DDA1: variants seen among roughly 807,000 people sequenced by gnomAD.
The protein encoded by DDA1 is DET1- and DDB1-associated protein 1.
A neutral mutation model predicts 18.6 loss-of-function variants in DDA1; 3 were observed. The ratio of observed to expected loss-of-function variants is 0.16; its 90% CI spans 0.07 to 0.42. The LOEUF is 0.42. DDA1 is among the 10% of genes least tolerant of loss of function. DDA1 has a pLI of 0.99. For synonymous variants in DDA1, 52 were observed against 54.0 expected (o/e 0.96, Z 0.17); for missense variants, 105 against 138.2 (o/e 0.76, Z 1.20).
At chr19:17,315,801 A>G in intron 3 of DDA1, 133 bp from the exon 4 acceptor site, 1 of 869,248 alleles carries the variant, frequency 1.2e-6, no homozygotes, top group South Asian at 1.5e-5. Context: ...CAGAAGCAAA[A>G]ACATGGGACT....
intron 1 of DDA1, among the ~76,000 whole-genome samples, chr19:17,311,797 G>A (rs1488819964): frequency 6.6e-6 from 1 of 152,124 alleles, no homozygotes; most frequent in East Asian, 1.9e-4. Context: ...TTGGGTCTCT[G>A]GCAGGCTACC....
At chr19:17,319,271 C>A (rs2074228195) in intron 4 of DDA1, among the ~76,000 whole-genome samples, 1 of 152,216 alleles carries the variant, frequency 6.6e-6, no homozygotes, top group Admixed American at 6.5e-5. Context: ...TGGGGCCCCC[C>A]ACTGTACTCC....
chr19:17,315,429 C>CATATATATATATATAT (rs56662339), intron 3 of DDA1, among the ~76,000 whole-genome samples: 4,240 of 51,598 alleles, frequency 0.082, 318 homozygotes, highest in African/African-American at 0.1. Flanking sequence ...TGTGTGTGTG[C>CATATATATATATATAT]ATATATATAT....
intron 3 of DDA1, among the ~76,000 whole-genome samples, chr19:17,315,372 TACAC>T (rs1159094075): frequency 2.2e-4 from 18 of 83,268 alleles, no homozygotes; most frequent in African/African-American, 6.7e-4. Flanking sequence ...GCTATATATA[TACAC>T]ACGTATATAT....
At position 17,314,215 on chromosome 19, in the gene DDA1, C is replaced by T; in HGVS notation, c.84+112C>T. ...TGGAACAGAGGCTGATCTTCAAGCCCAGCCCCATCCACATACTTGAGTGTC... is the reference window on the plus strand; with the variant it reads ...TGGAACAGAGGCTGATCTTCAAGCCTAGCCCCATCCACATACTTGAGTGTC... On this transcript the variant is annotated intron_variant, in intron 2 of 4. Coordinates refer to ENST00000359866, the MANE Select transcript of DDA1 (RefSeq NM_024050.6). The surrounding 1 kb of genome is among the most constrained non-coding windows in gnomAD (Gnocchi z 4.6). The T allele has an allele frequency of 5.8e-6, 9 of 1,553,316 alleles. No individual in the cohort carries two copies. The highest frequency in any genetic ancestry group is 8.0e-6 in the Non-Finnish European group (9 of 1,127,584).
At position 17,315,962 on chromosome 19, in the gene DDA1, C is replaced by T. The variant is rs143056663; in HGVS notation, c.165C>T (p.Leu55=). The stretch of plus-strand genomic sequence containing the variant: ...TCGTGACAGAAAAGACAAACATCCT[C>T]CTGCGCTACCTGCATCAGCAATGGG... The part of the protein sequence containing the change: ...QIIVTEKTNI[L]LRYLHQQWDK... Residue 55 remains leucine (L), a synonymous_variant, in exon 4 of 5, where the codon CTC becomes CTT. Transcript: ENST00000359866. The T allele has an allele frequency of 6.1e-5, 99 of 1,614,060 alleles. No homozygotes were observed. The highest frequency in any genetic ancestry group is 3.3e-4 in the Middle Eastern group (2 of 6,084).
rs1289824932 is a variant in DDA1, at chr19:17,313,535, C to T, written c.4-488C>T. Reference sequence around the variant, plus strand: ...ATGGCTCACTGCAACCTCTGCCTCCCGAGTTCAAGCGATTCTCCAGCCTCA... The same window carrying T: ...ATGGCTCACTGCAACCTCTGCCTCCTGAGTTCAAGCGATTCTCCAGCCTCA... On this transcript the variant is annotated intron_variant, in intron 1 of 4. Coordinates refer to ENST00000359866, the MANE Select transcript of DDA1 (RefSeq NM_024050.6). 5.3e-5 allele frequency among the ~76,000 whole-genome samples: 8 copies of T among 150,268 alleles called. No homozygotes were observed. The East Asian group carries it at 1.4e-3, about 26-fold the overall frequency.
At chr19:17,311,244 G>C (rs112508659) in intron 1 of DDA1, among the ~76,000 whole-genome samples, 1,575 of 151,530 alleles carry the variant, frequency 0.01, 25 homozygotes, top group African/African-American at 0.036. Flanking sequence ...CGGCTCACTG[G>C]AACCTCCGCC....
chr19:17,310,574 A>G (rs935525380), intron 1 of DDA1, among the ~76,000 whole-genome samples: 5 of 152,140 alleles, frequency 3.3e-5, no homozygotes, highest in Non-Finnish European at 5.9e-5. Flanking sequence ...GGTGATGGGA[A>G]GCTTGGTCAA....
At chr19:17,316,246 G>A (rs2074212289) in intron 4 of DDA1, among the ~76,000 whole-genome samples, 1 of 152,224 alleles carries the variant, frequency 6.6e-6, no homozygotes, top group African/African-American at 2.4e-5. Flanking sequence ...AGTTTTCCAT[G>A]GCTCTGGCAT....
chr19:17,316,649 C>T (rs2074214565), intron 4 of DDA1, among the ~76,000 whole-genome samples: 3 of 151,572 alleles, frequency 2.0e-5, no homozygotes, highest in South Asian at 4.2e-4. Context: ...CCAAGGTGGG[C>T]AGATCATGAG....
At chr19:17,310,119 C>T (rs964505615) in intron 1 of DDA1, 2 of 167,632 alleles carry the variant, frequency 1.2e-5, no homozygotes, top group Admixed American at 1.3e-4. Context: ...CGCCGATTGT[C>T]CCGGTTCCCC....
chr19:17,319,864 AG>A lies in DDA1; in HGVS notation c.*212del, dbSNP rs2074231546. ...GTAACCTGTATCAAGCGTTGGTTAA[AG>A]GGGACATCAGACCCAGTAGTGTGAT... is the stretch of plus-strand genomic sequence containing the variant. On this transcript the variant is annotated 3_prime_UTR_variant, in exon 5 of 5. Transcript: ENST00000359866. 3.6e-6 allele frequency: 2 copies of A among 553,782 alleles called. No homozygotes were observed. Among genetic ancestry groups the A allele is most frequent in the Admixed American group, 3.3e-5 (1 of 30,190 alleles). The allele number at this position is 553,782 out of a possible 1,614,324, so 34.3% of individuals were successfully genotyped here. A position where few individuals can be genotyped will look rare whatever the true frequency, so the allele number is the denominator to read the frequency against.
chr19:17,319,586 A>C lies in DDA1; in HGVS notation c.239A>C (p.Glu80Ala). Residue 80 changes from glutamate to alanine, a missense_variant, in exon 5 of 5, where the codon GAA (glutamate) becomes GCA (alanine). This residue lies in a region of DDA1 where 62 missense variants were observed against 55.8 expected (regional missense o/e 1.11). Coordinates refer to ENST00000359866, the MANE Select transcript of DDA1 (RefSeq NM_024050.6). ...AGAGACCAGGAGCAAGTGGAGCTGG[A>C]AGGCGAGAGCTCCGCACCTCCCCGC... ...KKRDQEQVEL[E>A]GESSAPPRKV... The C allele has an allele frequency of 6.3e-7, 1 of 1,578,812 alleles. No individual in the cohort carries two copies. Among genetic ancestry groups the C allele is most frequent in the Non-Finnish European group, 8.6e-7 (1 of 1,162,382 alleles).
intron 1 of DDA1, among the ~76,000 whole-genome samples, chr19:17,310,713 C>T (rs1004725117): frequency 1.3e-5 from 2 of 152,144 alleles, no homozygotes; most frequent in African/African-American, 4.8e-5. Flanking sequence ...TCCTAGTGTG[C>T]GGGTCCCCAA....
chr19:17,319,472 A>T, intron 4 of DDA1, 74 bp from the exon 5 acceptor site: 2 of 1,284,606 alleles, frequency 1.6e-6, no homozygotes, highest in Admixed American at 2.0e-5. Flanking sequence ...AGCTGGGAGG[A>T]TTGCTTGAGC....
rs777856884 is a variant in DDA1 at position 17,309,663 on chromosome 19, G to C, written c.3+6G>C. On this transcript the variant is annotated splice_donor_region_variant and intron_variant, in intron 1 of 4. Coordinates refer to ENST00000359866, the MANE Select transcript of DDA1 (RefSeq NM_024050.6). The stretch of plus-strand genomic sequence containing the variant: ...GACGGAGGAAACAGAAGATGGTGAG[G>C]ATGGCCTCCAGGCCCCCACTCCCCC... 5 of 1,612,566 alleles carry C rather than the reference G, an allele frequency of 3.1e-6. No individual in the cohort carries two copies. Among genetic ancestry groups the C allele is most frequent in the Middle Eastern group, 1.6e-4 (1 of 6,072 alleles).
chr19:17,316,685 T>C (rs1024313000), intron 4 of DDA1, among the ~76,000 whole-genome samples: 10 of 150,442 alleles, frequency 6.6e-5, no homozygotes, highest in South Asian at 2.1e-4. Context: ...CCATCCTGGC[T>C]AACATAGTAA....
Position 17,319,925 on chromosome 19 carries a change from C to A in DDA1, c.*269C>A, listed in dbSNP as rs2074231856. 2.8e-6 allele frequency: 1 copy of A among 356,496 alleles called. No homozygotes were observed. The highest frequency in any genetic ancestry group is 5.2e-6 in the Non-Finnish European group (1 of 193,966). 22.1% of individuals were successfully genotyped at this position (356,496 alleles called of 1,614,324 possible). A position where few individuals can be genotyped will look rare whatever the true frequency, so the allele number is the denominator to read the frequency against. On this transcript the variant is annotated 3_prime_UTR_variant, in exon 5 of 5. Coordinates refer to ENST00000359866, the MANE Select transcript of DDA1 (RefSeq NM_024050.6). ...TGCTTTTTAAAAAAAACAACATTGT[C>A]CCCCCGACCCCCGCCTTCCATCGGG...
Sources: gnomAD v4.1 joint callset for allele counts (sites outside exome capture counted in the v4.1 genomes callset) on GRCh38, gnomAD v4.1.1 for gene constraint, gnomAD v4.1.1 regional missense constraint, Gnocchi (gnomAD v3.1) non-coding constraint, MANE v1.5 for transcripts, NCBI Gene and HGNC (gene_info 2026-07-23, HGNC 2026-07-21) for gene names.